Variants in GPANK1 observed in about 807,000 individuals in gnomAD.
GPANK1 encodes the protein G-patch domain and ankyrin repeats 1, also known as G patch domain and ankyrin repeat-containing protein 1.
GPANK1 carries 22 observed loss-of-function variants against 24.0 expected under a neutral mutation model. That is an observed-to-expected ratio of 0.92 (90% CI 0.66 to 1.31). The LOEUF is 1.31. Among genes scored for constraint, GPANK1 ranks in the 50% most tolerant of loss-of-function variants. The probability of loss-of-function intolerance (pLI) is 0.00; values close to 1 mark genes in which losing one functional copy is unlikely to be tolerated. For missense variants in GPANK1, 469 were observed against 453.5 expected (o/e 1.03, Z -0.31); for synonymous variants, 174 against 177.4 (o/e 0.98, Z 0.15).
intron 2 of GPANK1, among the ~76,000 whole-genome samples, chr6:31,663,032 T>C (rs1173724413): frequency 1.3e-5 from 2 of 149,980 alleles, no homozygotes; most frequent in Non-Finnish European, 3.0e-5. Flanking sequence ...CACTGCAACT[T>C]CCACCTTAGC....
Position 31,662,095 on chromosome 6 carries a change from A to G in GPANK1, c.*171T>C. 1 of 442,918 alleles carries G rather than the reference A, an allele frequency of 2.3e-6. No homozygotes were observed. The highest frequency in any genetic ancestry group is 3.4e-5 in the East Asian group (1 of 29,000). The allele number at this position is 442,918 out of a possible 1,614,324, so 27.4% of individuals were successfully genotyped here. ...TTCCAGAAAAGTGAATAAACCACAA[A>G]TGGTTGATTTATTTCTGACTCTCAG... On this transcript the variant is annotated 3_prime_UTR_variant, in exon 3 of 3. Coordinates refer to ENST00000375896, the MANE Select transcript of GPANK1 (RefSeq NM_033177.4). The surrounding 1 kb of genome is among the most constrained non-coding windows in gnomAD (Gnocchi z 5.5).
At position 31,664,826 on chromosome 6, in the gene GPANK1, C is replaced by A; in HGVS notation, c.-100+15G>T. On this transcript the variant is annotated intron_variant, in intron 1 of 2. Transcript: ENST00000375896. ...GCCTCTTTCTGAAACCACTTTCCCA[C>A]CCCGTAAGACATACCAGTAGGAAAA... is the stretch of plus-strand genomic sequence containing the variant. 1 of 320,990 alleles carries A rather than the reference C, an allele frequency of 3.1e-6. No homozygotes were observed. The highest frequency in any genetic ancestry group is 5.7e-6 in the Non-Finnish European group (1 of 174,332). 19.9% of individuals were successfully genotyped at this position (320,990 alleles called of 1,614,324 possible).
upstream of GPANK1, chr6:31,665,838 C>T: frequency 8.6e-7 from 1 of 1,162,610 alleles, no homozygotes; most frequent in Non-Finnish European, 1.1e-6. Flanking sequence ...ATTGCCCAGA[C>T]TCCCGGGCCC....
intron 1 of GPANK1, 98 bp downstream of exon 1, chr6:31,664,743 G>A: frequency 2.0e-6 from 1 of 494,644 alleles, no homozygotes; most frequent in South Asian, 3.3e-5. Context: ...CCATGAGACT[G>A]TTGTCCAGAG....
upstream of GPANK1, chr6:31,665,279 A>G (rs1583589240): frequency 1.5e-6 from 1 of 675,836 alleles, no homozygotes; most frequent in East Asian, 2.7e-5. Context: ...CCCCGCTCCA[A>G]GCCCATTTTC....
In GPANK1 at chr6:31,664,528, CAAGT is replaced by C. The variant is rs1249275924; in HGVS notation, c.-54_-51del. ...GATACCAGGCAAGGGAAGGATGAGA[CAAGT>C]AAGCCAAGCTCGTGGTGACCCTGTA... On this transcript the variant is annotated 5_prime_UTR_variant, in exon 2 of 3. Coordinates refer to ENST00000375896, the MANE Select transcript of GPANK1 (RefSeq NM_033177.4). The C allele has an allele frequency of 5.5e-6, 8 of 1,448,590 alleles. No individual in the cohort carries two copies. Among genetic ancestry groups the C allele is most frequent in the African/African-American group, 2.8e-5 (2 of 70,970 alleles). The allele number at this position is 1,448,590 out of a possible 1,614,324, so 89.7% of individuals were successfully genotyped here. A position where few individuals can be genotyped will look rare whatever the true frequency, so the allele number is the denominator to read the frequency against.
Position 31,664,573 on chromosome 6 carries a change from G to A in GPANK1, c.-95C>T. 1.1e-6 allele frequency: 1 copy of A among 940,618 alleles called. No individual in the cohort carries two copies. Among genetic ancestry groups the A allele is most frequent in the Admixed American group, 2.4e-5 (1 of 41,104 alleles). The allele number at this position is 940,618 out of a possible 1,614,324, so 58.3% of individuals were successfully genotyped here. On this transcript the variant is annotated 5_prime_UTR_variant, in exon 2 of 3. Coordinates refer to ENST00000375896, the MANE Select transcript of GPANK1 (RefSeq NM_033177.4). ...TGACCCTGTAGCAACCACAGCCTCA[G>A]AGACCTGCTGGGATGAGAAAAAGTA...
upstream of GPANK1, chr6:31,666,263 G>A (rs1801683649): frequency 1.1e-6 from 1 of 904,676 alleles, no homozygotes; most frequent in Admixed American, 5.7e-5. Context: ...GCGGCACATG[G>A]GGTCTCCGGA....
chr6:31,666,106 G>A (rs925505242), upstream of GPANK1: 1 of 990,588 alleles, frequency 1.0e-6, no homozygotes, highest in African/African-American at 1.8e-5. Flanking sequence ...ACCCCACTTC[G>A]CCTGCCGCGG....
Position 31,662,513 on chromosome 6 carries a change from C to A in GPANK1, c.824G>T (p.Gly275Val). The A allele has an allele frequency of 4.3e-6, 7 of 1,612,540 alleles. No homozygotes were observed. The highest frequency in any genetic ancestry group is 5.1e-6 in the Non-Finnish European group (6 of 1,179,776). Reference protein sequence around the residue: ...RGGWEPGMGLGPRGEGRANPI... With the variant: ...RGGWEPGMGLVPRGEGRANPI... ...ATTGGCACGGCCCTCACCCCGGGGTCCCAGCCCCATTCCTGGCTCCCAGCC... is the reference window on the plus strand; with the variant it reads ...ATTGGCACGGCCCTCACCCCGGGGTACCAGCCCCATTCCTGGCTCCCAGCC... Residue 275 changes from glycine (G) to valine (V), a missense_variant, in exon 3 of 3, where the codon GGA (glycine) becomes GTA (valine). By Grantham distance (109) the Gly-to-Val change is moderately radical. Transcript: ENST00000375896. The surrounding 1 kb of genome is among the most constrained non-coding windows in gnomAD (Gnocchi z 5.5).
In GPANK1 at chr6:31,662,543, C is replaced by G. The variant is rs536451286; in HGVS notation, c.794G>C (p.Arg265Thr). 56 of 1,613,012 alleles carry G rather than the reference C, an allele frequency of 3.5e-5. No homozygotes were observed. In the East Asian group the frequency reaches 4.9e-4, roughly 14 times the overall value. The change falls in exon 3 of 3, where the codon AGG (arginine) becomes ACG (threonine). Residue 265 changes from arginine (R) to threonine (T), a missense_variant. By Grantham distance (71) the Arg-to-Thr change is moderately conservative. Transcript: ENST00000375896. This position sits in a 1 kb window ranked among gnomAD's most constrained non-coding sequence, Gnocchi z 5.5. ...CCCCATTCCTGGCTCCCAGCCCCCC[C>G]TCAGCAGCAGTTTGAAGCCCGGGCT... is the stretch of plus-strand genomic sequence containing the variant. ...ISSPGFKLLL[R>T]GGWEPGMGLG...
Position 31,664,146 on chromosome 6 carries a change from TG to T in GPANK1, c.332del (p.Ala111GlufsTer37), listed in dbSNP as rs753839443. 4.3e-6 allele frequency: 7 copies of T among 1,614,146 alleles called. No individual in the cohort carries two copies. Among genetic ancestry groups the T allele is most frequent in the Non-Finnish European group, 5.9e-6 (7 of 1,180,050 alleles). On this transcript the variant is annotated frameshift_variant, in exon 2 of 3. Coordinates refer to ENST00000375896, the MANE Select transcript of GPANK1 (RefSeq NM_033177.4). LOFTEE classifies it high-confidence loss of function. ...GTTCTGGCAGGTCCCCCTCCTGGGC[TG>T]CCCTCAGTATCCGGTGAGTCATCTT... ...EDKMTHRILR[A>X]AQEGDLPELR...
In GPANK1 at chr6:31,662,327, C is replaced by T. The variant is rs372214175; in HGVS notation, c.1010G>A (p.Arg337Lys). ...ATLSWREERR[R>K]EEKDRAWERD... ...CTCCCAAGCCCTGTCTTTCTCCTCCCTCCTTCTCTCCTCCCTCCAGCTCAG... is the reference window on the plus strand; with the variant it reads ...CTCCCAAGCCCTGTCTTTCTCCTCCTTCCTTCTCTCCTCCCTCCAGCTCAG... Residue 337 changes from arginine (R) to lysine (K), a missense_variant, in exon 3 of 3, where the codon AGG (arginine) becomes AAG (lysine). Transcript: ENST00000375896. This position sits in a 1 kb window ranked among gnomAD's most constrained non-coding sequence, Gnocchi z 5.5. 1.9e-6 allele frequency: 3 copies of T among 1,599,908 alleles called. No individual in the cohort carries two copies. The highest frequency in any genetic ancestry group is 2.6e-6 in the Non-Finnish European group (3 of 1,171,856).
rs1348399333 is a variant in GPANK1 at position 31,662,735 on chromosome 6, TA to T, written c.627-26del. 2.0e-6 allele frequency: 3 copies of T among 1,468,152 alleles called. No individual in the cohort carries two copies. The highest frequency in any genetic ancestry group is 1.9e-5 in the Admixed American group (1 of 54,006). The allele number at this position is 1,468,152 out of a possible 1,614,324, so 90.9% of individuals were successfully genotyped here. A position where few individuals can be genotyped will look rare whatever the true frequency, so the allele number is the denominator to read the frequency against. On this transcript the variant is annotated intron_variant, in intron 2 of 2. Coordinates refer to ENST00000375896, the MANE Select transcript of GPANK1 (RefSeq NM_033177.4). This position sits in a 1 kb window ranked among gnomAD's most constrained non-coding sequence, Gnocchi z 5.5. ...CCTGCAGAGAAAGAAGAAAAAGCAT[TA>T]AGGGCAGGGGAAGGAAAAGGGGAAG... is the stretch of plus-strand genomic sequence containing the variant.
rs1489472235 is a variant in GPANK1, at chr6:31,664,076, T to TC, written c.402dup (p.Asn135GlufsTer40). 12 of 1,614,032 alleles carry TC rather than the reference T, an allele frequency of 7.4e-6. No homozygotes were observed. Among genetic ancestry groups the TC allele is most frequent in the South Asian group, 1.1e-5 (1 of 91,080 alleles). On this transcript the variant is annotated frameshift_variant, in exon 2 of 3. Coordinates refer to ENST00000375896, the MANE Select transcript of GPANK1 (RefSeq NM_033177.4). LOFTEE classifies it high-confidence loss of function. ...CAGAAGGCATCCCGGGCGTTGATATTCCCCCCAGCTCCTCCTGCCTCATGC... is the reference window on the plus strand; with the variant it reads ...CAGAAGGCATCCCGGGCGTTGATATTCCCCCCCAGCTCCTCCTGCCTCATGC...
rs979766247 is a variant in GPANK1 at position 31,662,692 on chromosome 6, G to A, written c.645C>T (p.Leu215=). 2 of 1,594,670 alleles carry A rather than the reference G, an allele frequency of 1.3e-6. No homozygotes were observed. The highest frequency in any genetic ancestry group is 1.3e-5 in the African/African-American group (1 of 74,504). ...GGGTGTCACAGTTCTCGCAGTACTG[G>A]AGGGAGGGAGTAGGAGACCTGCAGA... ...SPENRSPTPS[L]QYCENCDTHF... The change falls in exon 3 of 3, where the codon CTC becomes CTT. Residue 215 remains leucine, a synonymous_variant. Transcript: ENST00000375896. The surrounding 1 kb of genome is among the most constrained non-coding windows in gnomAD (Gnocchi z 5.5).
upstream of GPANK1, chr6:31,665,078 A>C: frequency 6.1e-6 from 2 of 325,518 alleles, no homozygotes; most frequent in South Asian, 7.6e-5. Context: ...AACAACAAAA[A>C]CCACAACCCA....
intron 2 of GPANK1, among the ~76,000 whole-genome samples, chr6:31,663,071 C>G (rs1201902859): frequency 2.0e-5 from 3 of 151,024 alleles, no homozygotes; most frequent in Non-Finnish European, 2.9e-5. Context: ...TCCCAAGTAG[C>G]CGGGATTACA....
At position 31,662,291 on chromosome 6, in the gene GPANK1, C is replaced by T; in HGVS notation, c.1046G>A (p.Arg349Lys). 2 of 1,562,860 alleles carry T rather than the reference C, an allele frequency of 1.3e-6. No homozygotes were observed. Among genetic ancestry groups the T allele is most frequent in the East Asian group, 2.3e-5 (1 of 44,226 alleles). The change falls in exon 3 of 3, where the codon AGG becomes AAG. Residue 349 changes from arginine (R) to lysine (K), a missense_variant. By Grantham distance (26) the Arg-to-Lys change is conservative. Coordinates refer to ENST00000375896, the MANE Select transcript of GPANK1 (RefSeq NM_033177.4). The surrounding 1 kb of genome is among the most constrained non-coding windows in gnomAD (Gnocchi z 5.5). ...EKDRAWERDL[R>K]TYMNLEF ...TCAGAACTCGAGGTTCATGTAAGTC[C>T]TTAGATCCCGCTCCCAAGCCCTGTC...
Sources: allele counts gnomAD v4.1 joint callset (sites outside exome capture counted in the v4.1 genomes callset), GRCh38; gene constraint gnomAD v4.1.1; non-coding constraint Gnocchi (gnomAD v3.1); transcripts MANE v1.5; gene names NCBI Gene and HGNC (gene_info 2026-07-23, HGNC 2026-07-21).